The following NAALADL2 variants were observed in gnomAD, a reference collection of about 807,000 sequenced individuals.
NAALADL2 encodes the protein inactive N-acetylated-alpha-linked acidic dipeptidase-like protein 2.
NAALADL2 carries 76 observed loss-of-function variants against 87.2 expected under a neutral mutation model. The ratio of observed to expected loss-of-function variants is 0.87; its 90% CI spans 0.72 to 1.05. NAALADL2 has a LOEUF of 1.05. Among genes scored for constraint, NAALADL2 ranks in the 50% least tolerant of loss-of-function variants. The pLI, the probability that NAALADL2 is intolerant of heterozygous loss-of-function variation, is 0.00. For missense variants in NAALADL2, 1,089 were observed against 945.8 expected (o/e 1.15, Z -1.99); for synonymous variants, 354 against 331.0 (o/e 1.07, Z -0.75).
chr3:175,271,432 A>G (rs981621963), intron 4 of NAALADL2, among the ~76,000 whole-genome samples: 2 of 152,242 alleles, frequency 1.3e-5, no homozygotes, highest in Admixed American at 1.3e-4. Flanking sequence ...CTTCATGCAC[A>G]TGAAAGAGTA....
At chr3:174,970,597 A>T (rs1460400749) in intron 1 of NAALADL2, among the ~76,000 whole-genome samples, 1 of 152,210 alleles carries the variant, frequency 6.6e-6, no homozygotes, top group African/African-American at 2.4e-5. Flanking sequence ...CCATGACATT[A>T]TAAAGAAGAG....
intron 2 of NAALADL2, among the ~76,000 whole-genome samples, chr3:175,166,491 C>G (rs1271437273): frequency 6.6e-6 from 1 of 152,102 alleles, no homozygotes; most frequent in Non-Finnish European, 1.5e-5. Context: ...TACTGTCTCT[C>G]AGCAGCAGTT....
intron 2 of NAALADL2, among the ~76,000 whole-genome samples, chr3:175,200,354 TTC>T (rs768479595): frequency 6.6e-6 from 1 of 152,020 alleles, no homozygotes; most frequent in African/African-American, 2.4e-5. Flanking sequence ...GTTAACTAAT[TTC>T]TCTCTCTCTC....
At chr3:175,605,056 A>G (rs116621785) in intron 10 of NAALADL2, among the ~76,000 whole-genome samples, 1 of 152,190 alleles carries the variant, frequency 6.6e-6, no homozygotes, top group Non-Finnish European at 1.5e-5. Context: ...TTCATTCTCT[A>G]GCTATTCCTT....
intron 3 of NAALADL2, among the ~76,000 whole-genome samples, chr3:175,243,080 C>CAG (rs924077713): frequency 6.6e-6 from 1 of 151,366 alleles, no homozygotes; most frequent in Admixed American, 6.6e-5. Flanking sequence ...AACACACACA[C>CAG]ACACACACAC....
intron 2 of NAALADL2, among the ~76,000 whole-genome samples, chr3:174,725,590 G>T (rs1732102294): frequency 6.6e-6 from 1 of 151,942 alleles, no homozygotes; most frequent in Non-Finnish European, 1.5e-5. Context: ...CAACAGTGGA[G>T]ATCTACTACA....
chr3:175,495,819 TCACAAATGTGATTAA>T (rs938098770), intron 9 of NAALADL2, among the ~76,000 whole-genome samples: 1 of 152,130 alleles, frequency 6.6e-6, no homozygotes, highest in Non-Finnish European at 1.5e-5. Flanking sequence ...GGAAGGTTAA[TCACAAATGTGATTAA>T]CCTGCCATTT....
intron 2 of NAALADL2, among the ~76,000 whole-genome samples, chr3:175,129,147 A>C (rs943704660): frequency 5.9e-5 from 9 of 151,380 alleles, no homozygotes; most frequent in African/African-American, 2.2e-4. Context: ...GGGTTTTGTC[A>C]TGTTGGCCAG....
At chr3:174,941,277 T>G (rs899261332) in intron 1 of NAALADL2, among the ~76,000 whole-genome samples, 4 of 152,096 alleles carry the variant, frequency 2.6e-5, no homozygotes, top group African/African-American at 9.6e-5. Flanking sequence ...TTCAGGAACA[T>G]GTTGTTTGAT....
chr3:175,693,533 G>A (rs1299172808), intron 11 of NAALADL2, among the ~76,000 whole-genome samples: 1 of 152,114 alleles, frequency 6.6e-6, no homozygotes, highest in East Asian at 1.9e-4. Flanking sequence ...GCTGGGCAGT[G>A]CTGTGGTTCT....
rs909432549 is a variant in NAALADL2 at position 174,694,804 on chromosome 3, C to T, written c.-114-42837C>T. On this transcript the variant is annotated intron_variant, in intron 2 of 3. Coordinates refer to the NAALADL2 transcript ENST00000434257. ...TTTATGTTAAATTTTACACAGAACACAAATAAAATATATTAAAATAGAATG... is the reference window on the plus strand; with the variant it reads ...TTTATGTTAAATTTTACACAGAACATAAATAAAATATATTAAAATAGAATG... Among the ~76,000 whole-genome samples the T allele has an allele frequency of 2.6e-5, 4 of 151,834 alleles. No individual in the cohort carries two copies. In the South Asian group the frequency reaches 8.3e-4, roughly 32 times the overall value.
intron 5 of NAALADL2, among the ~76,000 whole-genome samples, chr3:175,409,406 C>T (rs1028298944): frequency 3.3e-5 from 5 of 151,918 alleles, no homozygotes; most frequent in African/African-American, 9.7e-5. Flanking sequence ...CTTTAGTCAT[C>T]ATTTTGAGTG....
intron 8 of NAALADL2, among the ~76,000 whole-genome samples, chr3:175,468,339 T>C (rs1269198055): frequency 6.6e-6 from 1 of 152,072 alleles, no homozygotes; most frequent in Non-Finnish European, 1.5e-5. Context: ...ATTCCATTGC[T>C]TAAAGAATCT....
chr3:175,003,361 C>G (rs921942865), intron 1 of NAALADL2, among the ~76,000 whole-genome samples: 20 of 151,886 alleles, frequency 1.3e-4, no homozygotes, highest in African/African-American at 4.6e-4. Context: ...CTACAAAAAA[C>G]AACAAAAAAG....
chr3:175,160,372 T>C lies in NAALADL2; in HGVS notation c.545+63081T>C, dbSNP rs1320888201. Among the ~76,000 whole-genome samples, 110 of 132,302 alleles carry C rather than the reference T, an allele frequency of 8.3e-4. 2 individuals carry two copies. The highest frequency in any genetic ancestry group is 2.8e-3 in the African/African-American group (99 of 35,958). 86.8% of individuals were successfully genotyped at this position (132,302 alleles called of 152,430 possible). A position where few individuals can be genotyped will look rare whatever the true frequency, so the allele number is the denominator to read the frequency against. Reference sequence around the variant, plus strand: ...GTATCTTTTCTTTCTTTTTTTTTTTTTTTTTTTTTTTTTTTTGAGTTAGAG... The same window carrying C: ...GTATCTTTTCTTTCTTTTTTTTTTTCTTTTTTTTTTTTTTTTGAGTTAGAG... On this transcript the variant is annotated intron_variant, in intron 2 of 13. Transcript: ENST00000454872.
intron 11 of NAALADL2, among the ~76,000 whole-genome samples, chr3:175,667,498 T>C (rs1733354761): frequency 6.6e-6 from 1 of 152,066 alleles, no homozygotes; most frequent in South Asian, 2.1e-4. Context: ...CATGATGGAG[T>C]TGTACTCTGT....
At chr3:174,858,397 G>A (rs1330780510), upstream of NAALADL2, among the ~76,000 whole-genome samples, 6 of 151,860 alleles carry the variant, frequency 4.0e-5, no homozygotes, top group South Asian at 2.1e-4. Context: ...TTAAAGATAC[G>A]TCTCCAATTT....
intron 2 of NAALADL2, among the ~76,000 whole-genome samples, chr3:175,173,991 A>AG (rs772792370): frequency 2.0e-5 from 3 of 152,092 alleles, no homozygotes; most frequent in Non-Finnish European, 4.4e-5. Flanking sequence ...TTGGTCCTCC[A>AG]GTTGTATGTA....
chr3:174,604,259 A>T (rs1321936817), intron 2 of NAALADL2, among the ~76,000 whole-genome samples: 3 of 152,180 alleles, frequency 2.0e-5, no homozygotes, highest in Non-Finnish European at 4.4e-5. Flanking sequence ...TGTTGAGTGC[A>T]TATATGTTTA....
Sources: allele counts gnomAD v4.1 joint callset (sites outside exome capture counted in the v4.1 genomes callset), GRCh38; gene constraint gnomAD v4.1.1; transcripts MANE v1.5; gene names NCBI Gene and HGNC (gene_info 2026-07-23, HGNC 2026-07-21).